AFDN: variants seen among roughly 807,000 people sequenced by gnomAD.
The protein encoded by AFDN is afadin, adherens junction formation factor.
Under a neutral mutation model 216.6 loss-of-function variants are expected in AFDN, and 68 were observed. The ratio of observed to expected loss-of-function variants is 0.31; its 90% CI spans 0.26 to 0.38. The LOEUF is 0.38. Among genes scored for constraint, AFDN ranks in the 10% least tolerant of loss-of-function variants. The pLI is 1.00. For missense variants in AFDN, 2,136 were observed against 2,342.0 expected (o/e 0.91, Z 1.82); for synonymous variants, 868 against 853.7 (o/e 1.02, Z -0.29).
intron 26 of AFDN, among the ~76,000 whole-genome samples, chr6:167,946,075 G>A (rs934477230): frequency 6.6e-6 from 1 of 152,170 alleles, no homozygotes; most frequent in African/African-American, 2.4e-5. Context: ...CCACCCAAGG[G>A]GCAGCTCAAC....
Position 167,827,202 on chromosome 6 carries a change from C to T in AFDN, c.70C>T (p.Arg24Trp). The T allele has an allele frequency of 7.8e-7, 1 of 1,277,508 alleles. No individual in the cohort carries two copies. Among genetic ancestry groups the T allele is most frequent in the Non-Finnish European group, 1.0e-6 (1 of 980,538 alleles). 79.1% of individuals were successfully genotyped at this position (1,277,508 alleles called of 1,614,324 possible). The stretch of plus-strand genomic sequence containing the variant: ...CATCATCCACCACTGGAACGCCAAC[C>T]GGCTGGACCTGTTCGAGATCAGCCA... ...ADIIHHWNAN[R>W]LDLFEISQPT... The change falls in exon 1 of 34, where the codon CGG (arginine) becomes TGG (tryptophan). Residue 24 changes from arginine to tryptophan, a missense_variant. Around this residue, in one of 8 missense-constraint regions of AFDN, gnomAD observed 81 missense variants for 51.2 expected, o/e 1.58. Coordinates refer to ENST00000683244, the MANE Select transcript of AFDN (RefSeq NM_001386888.1).
chr6:167,954,764 T>TA (rs1232044367), intron 30 of AFDN, among the ~76,000 whole-genome samples: 3 of 152,246 alleles, frequency 2.0e-5, no homozygotes, highest in Non-Finnish European at 4.4e-5. Context: ...CGTGTATTCT[T>TA]ACGTAGTCAT....
chr6:167,905,320 A>C lies in AFDN; in HGVS notation c.1651-1851A>C, dbSNP rs988945621. Reference sequence around the variant, plus strand: ...ATTTCTATTGCACTTTTCTTAAAAAATGCCTGCTGTGTAGAAGACTCTTGG... The same window carrying C: ...ATTTCTATTGCACTTTTCTTAAAAACTGCCTGCTGTGTAGAAGACTCTTGG... On this transcript the variant is annotated intron_variant, in intron 12 of 33. Transcript: ENST00000683244. 4.6e-5 allele frequency among the ~76,000 whole-genome samples: 7 copies of C among 152,338 alleles called. 1 individual carries two copies. The highest frequency in any genetic ancestry group is 4.6e-4 in the Admixed American group (7 of 15,310).
chr6:167,851,469 T>C (rs557921293), intron 1 of AFDN, among the ~76,000 whole-genome samples: 1 of 152,326 alleles, frequency 6.6e-6, no homozygotes, highest in South Asian at 2.1e-4. Flanking sequence ...GTTGTTCGCC[T>C]CTATGCACAC....
intron 6 of AFDN, among the ~76,000 whole-genome samples, chr6:167,886,816 A>T (rs1052719217): frequency 2.0e-5 from 3 of 152,050 alleles, no homozygotes; most frequent in African/African-American, 7.2e-5. Context: ...TTGTGGTGTG[A>T]ACACTGAGGG....
intron 2 of AFDN, among the ~76,000 whole-genome samples, chr6:167,869,653 T>C (rs1784580376): frequency 1.3e-5 from 2 of 152,108 alleles, no homozygotes; most frequent in African/African-American, 4.8e-5. Context: ...AGTGCCGCCT[T>C]TTTTCCACAG....
chr6:167,853,014 A>T (rs1401566111), intron 1 of AFDN, among the ~76,000 whole-genome samples: 3 of 152,108 alleles, frequency 2.0e-5, no homozygotes, highest in Non-Finnish European at 4.4e-5. Flanking sequence ...TTCTCCAAGT[A>T]GCTGTGGTTT....
At position 167,944,112 on chromosome 6, in the gene AFDN, G is replaced by A. The variant is rs918473346; in HGVS notation, c.3358+53G>A. 36 of 1,400,274 alleles carry A rather than the reference G, an allele frequency of 2.6e-5. No homozygotes were observed. In the Admixed American group the frequency reaches 5.6e-4, roughly 22 times the overall value. The allele number at this position is 1,400,274 out of a possible 1,614,324, so 86.7% of individuals were successfully genotyped here. On this transcript the variant is annotated intron_variant, in intron 26 of 33. Transcript: ENST00000683244. ...TTTTACAGTCATGGCCTCTTTGAAT[G>A]GTCACAAAACCCCCATGGAGGAGGT...
chr6:167,879,851 G>A (rs1785893324), intron 5 of AFDN, among the ~76,000 whole-genome samples: 1 of 152,006 alleles, frequency 6.6e-6, no homozygotes, highest in Non-Finnish European at 1.5e-5. Flanking sequence ...GAGATCTCCT[G>A]GTTCCTACTT....
At chr6:167,881,751 C>T (rs1307129720) in intron 6 of AFDN, among the ~76,000 whole-genome samples, 1 of 152,154 alleles carries the variant, frequency 6.6e-6, no homozygotes, top group Non-Finnish European at 1.5e-5. Context: ...ACAGGAGTAG[C>T]ACAAGGTGAC....
intron 11 of AFDN, among the ~76,000 whole-genome samples, chr6:167,901,978 A>G (rs1789025340): frequency 6.6e-6 from 1 of 151,228 alleles, no homozygotes; most frequent in Non-Finnish European, 1.5e-5. Flanking sequence ...CTGTAATACC[A>G]GTTATTTGGG....
chr6:167,917,282 G>A, intron 20 of AFDN, 50 bp downstream of exon 20: 2 of 1,407,636 alleles, frequency 1.4e-6, no homozygotes, highest in South Asian at 1.9e-5. Context: ...TGTTTGCATG[G>A]GGACATTTGG....
At chr6:167,861,879 A>G (rs1377473927) in intron 1 of AFDN, among the ~76,000 whole-genome samples, 1 of 152,164 alleles carries the variant, frequency 6.6e-6, no homozygotes, top group African/African-American at 2.4e-5. Context: ...CTAATGTAAA[A>G]CTATTTTGTT....
intron 3 of AFDN, among the ~76,000 whole-genome samples, chr6:167,871,893 A>T (rs949193823): frequency 2.6e-5 from 4 of 152,200 alleles, no homozygotes; most frequent in Non-Finnish European, 2.9e-5. Context: ...ATCAGATTTC[A>T]TCATTTCTCC....
At chr6:167,897,582 T>C (rs1206538298) in intron 10 of AFDN, among the ~76,000 whole-genome samples, 1 of 151,790 alleles carries the variant, frequency 6.6e-6, no homozygotes, top group African/African-American at 2.4e-5. Flanking sequence ...TTAATGCTAA[T>C]GATCTGTTTA....
At chr6:167,888,499 G>A (rs1787152378) in intron 6 of AFDN, among the ~76,000 whole-genome samples, 1 of 152,170 alleles carries the variant, frequency 6.6e-6, no homozygotes, top group South Asian at 2.1e-4. Context: ...CCAAAGTCTA[G>A]AAGAATATTG....
intron 31 of AFDN, chr6:167,963,682 A>G (rs1797258574): frequency 9.4e-7 from 1 of 1,060,664 alleles, no homozygotes; most frequent in Non-Finnish European, 1.1e-6. Context: ...GTTTATCATC[A>G]TATTATCTGT....
In AFDN at chr6:167,942,086, GTTTGGTTTGT is replaced by G. The variant is rs1353588680; in HGVS notation, c.3100-1039_3100-1030del. On this transcript the variant is annotated intron_variant, in intron 23 of 33. Transcript: ENST00000683244. ...TTTTGTTTTGGTTTGGTTTGGTTTG[GTTTGGTTTGT>G]TTTTTCCCTGAGGGGATAAAGGGAG... is the stretch of plus-strand genomic sequence containing the variant. Among the ~76,000 whole-genome samples, 10 of 151,596 alleles carry G rather than the reference GTTTGGTTTGT, an allele frequency of 6.6e-5. No homozygotes were observed. In the East Asian group the frequency reaches 7.7e-4, roughly 12 times the overall value.
At chr6:167,907,621 A>G (rs1789866409) in intron 13 of AFDN, among the ~76,000 whole-genome samples, 1 of 152,198 alleles carries the variant, frequency 6.6e-6, no homozygotes, top group South Asian at 2.1e-4. Context: ...TATTTAGAAA[A>G]ATCTGGTCAT....
Sources: allele counts gnomAD v4.1 joint callset (sites outside exome capture counted in the v4.1 genomes callset), GRCh38; gene constraint gnomAD v4.1.1; regional missense constraint gnomAD v4.1.1; transcripts MANE v1.5; gene names NCBI Gene and HGNC (gene_info 2026-07-23, HGNC 2026-07-21).